The following DIP2C variants were observed in gnomAD, a reference collection of about 807,000 sequenced individuals.
DIP2C encodes the protein DIP2 acetate--CoA ligase C (putative).
DIP2C carries 33 observed loss-of-function variants against 192.4 expected under a neutral mutation model. That is an observed-to-expected ratio of 0.17 (90% CI 0.13 to 0.23). The LOEUF (loss-of-function observed/expected upper bound fraction) is 0.23, where lower values mean the gene tolerates loss of function less well. Among genes scored for constraint, DIP2C ranks in the 10% least tolerant of loss-of-function variants. The probability of loss-of-function intolerance (pLI) is 1.00; values close to 1 mark genes in which losing one functional copy is unlikely to be tolerated. For synonymous variants in DIP2C, 979 were observed against 864.1 expected (o/e 1.13, Z -2.33); for missense variants, 1,537 against 2,110.1 (o/e 0.73, Z 5.32).
chr10:417,232 C>T (rs1185874825), intron 6 of DIP2C, among the ~76,000 whole-genome samples: 1 of 152,122 alleles, frequency 6.6e-6, no homozygotes, highest in Non-Finnish European at 1.5e-5. Context: ...ACTTCTAGCT[C>T]ATGACGTCTG....
intron 1 of DIP2C, among the ~76,000 whole-genome samples, chr10:569,125 A>C (rs1849629156): frequency 6.6e-6 from 1 of 152,222 alleles, no homozygotes; most frequent in East Asian, 1.9e-4. Context: ...TTGGCCAGGG[A>C]ACCAGAAGTG....
chr10:579,787 T>C (rs1016497858), intron 1 of DIP2C, among the ~76,000 whole-genome samples: 4 of 151,950 alleles, frequency 2.6e-5, no homozygotes, highest in Non-Finnish European at 4.4e-5. Flanking sequence ...TCCATATCCA[T>C]ATAGCATATG....
intron 1 of DIP2C, among the ~76,000 whole-genome samples, chr10:623,160 C>T (rs896207405): frequency 2.0e-5 from 3 of 152,102 alleles, no homozygotes; most frequent in Non-Finnish European, 2.9e-5. Context: ...TTCAGGAGCA[C>T]GAGCATCAGG....
chr10:329,696 A>G (rs975393311), intron 29 of DIP2C, 95 bp from the exon 30 acceptor site: 2 of 1,464,798 alleles, frequency 1.4e-6, no homozygotes, highest in Admixed American at 2.4e-5. Flanking sequence ...TCCAAGGAAA[A>G]GGAGGACTTG....
chr10:421,528 A>T (rs1966179192), intron 5 of DIP2C, among the ~76,000 whole-genome samples: 1 of 152,202 alleles, frequency 6.6e-6, no homozygotes, highest in Non-Finnish European at 1.5e-5. Context: ...TACAAAAAAA[A>T]ATAACAGTCA....
chr10:526,709 C>A (rs551611175), intron 1 of DIP2C, among the ~76,000 whole-genome samples: 1 of 152,302 alleles, frequency 6.6e-6, no homozygotes. Context: ...GCTTTAACTG[C>A]GCCTATGTGG....
chr10:530,567 C>T (rs2130856787), intron 1 of DIP2C, among the ~76,000 whole-genome samples: 1 of 149,014 alleles, frequency 6.7e-6, no homozygotes, highest in African/African-American at 2.5e-5. Context: ...CCTGTAAGCC[C>T]AGCACTTTGG....
chr10:407,404 ATC>A (rs1310366965), intron 9 of DIP2C, among the ~76,000 whole-genome samples: 1 of 152,110 alleles, frequency 6.6e-6, no homozygotes, highest in Non-Finnish European at 1.5e-5. Context: ...GAGTGTACTC[ATC>A]TCTCTCCTAG....
chr10:514,410 C>T (rs1031941211), intron 1 of DIP2C, among the ~76,000 whole-genome samples: 4 of 152,190 alleles, frequency 2.6e-5, no homozygotes, highest in African/African-American at 9.7e-5. Flanking sequence ...GTGCTGGCTT[C>T]GTGCCGGGAA....
intron 1 of DIP2C, among the ~76,000 whole-genome samples, chr10:577,698 A>G (rs1850255748): frequency 6.6e-6 from 1 of 152,228 alleles, no homozygotes; most frequent in Non-Finnish European, 1.5e-5. Flanking sequence ...TGCTTTTAAC[A>G]AGCTAAATAA....
chr10:333,338 C>G (rs1438733465), intron 29 of DIP2C, among the ~76,000 whole-genome samples: 2 of 152,216 alleles, frequency 1.3e-5, no homozygotes, highest in East Asian at 1.9e-4. Flanking sequence ...ACATTCCCAT[C>G]ACCTGAAAGG....
chr10:310,369 C>CA (rs987023676), intron 31 of DIP2C, among the ~76,000 whole-genome samples: 3 of 151,974 alleles, frequency 2.0e-5, no homozygotes, highest in African/African-American at 7.3e-5. Flanking sequence ...CGCACTGTGC[C>CA]AAAAAAAGGA....
At chr10:345,244 T>C (rs868767973) in intron 26 of DIP2C, 134 bp from the exon 27 acceptor site, 2 of 886,188 alleles carry the variant, frequency 2.3e-6, no homozygotes, top group Middle Eastern at 2.2e-4. Flanking sequence ...TACCGAGCCC[T>C]CCTGCTGGCT....
chr10:400,638 T>C (rs535990911), intron 9 of DIP2C, among the ~76,000 whole-genome samples: 19 of 148,978 alleles, frequency 1.3e-4, no homozygotes, highest in Middle Eastern at 3.6e-3. Context: ...TGATTTTACA[T>C]GTGGGGTAGC....
At chr10:510,531 G>A (rs887749023) in intron 1 of DIP2C, among the ~76,000 whole-genome samples, 7 of 152,346 alleles carry the variant, frequency 4.6e-5, no homozygotes, top group African/African-American at 1.4e-4. Context: ...CTTTACAGCC[G>A]TGCCAGGCAG....
intron 1 of DIP2C, among the ~76,000 whole-genome samples, chr10:552,425 G>A (rs534388007): frequency 6.6e-6 from 1 of 152,232 alleles, no homozygotes; most frequent in Non-Finnish European, 1.5e-5. Context: ...TGGAAACAGA[G>A]AGGGAAATTT....
chr10:532,323 G>GCCACT (rs1213962161), intron 1 of DIP2C, among the ~76,000 whole-genome samples: 1 of 152,008 alleles, frequency 6.6e-6, no homozygotes, highest in African/African-American at 2.4e-5. Context: ...AGGCCCTTAA[G>GCCACT]CCACTCCCTC....
At chr10:391,628 T>G (rs1963463097) in intron 10 of DIP2C, among the ~76,000 whole-genome samples, 1 of 152,174 alleles carries the variant, frequency 6.6e-6, no homozygotes, top group Admixed American at 6.5e-5. Flanking sequence ...GCTGTGTGGG[T>G]TTTCCATTAT....
At chr10:437,989 T>C (rs905836333) in intron 4 of DIP2C, 4 of 152,214 alleles carry the variant, frequency 2.6e-5, no homozygotes, top group African/African-American at 9.6e-5. Flanking sequence ...AAGCACAAAA[T>C]AGCTGGGAGT....
Sources: allele counts gnomAD v4.1 joint callset (sites outside exome capture counted in the v4.1 genomes callset), GRCh38; gene constraint gnomAD v4.1.1; transcripts MANE v1.5; gene names NCBI Gene and HGNC (gene_info 2026-07-23, HGNC 2026-07-21).